Variants in CDH18 observed in about 807,000 individuals in gnomAD.
CDH18 encodes cadherin-18.
In CDH18, 31 loss-of-function variants were observed where a neutral mutation model predicts 67.9. The ratio of observed to expected loss-of-function variants is 0.46; its 90% CI spans 0.34 to 0.62. The LOEUF (loss-of-function observed/expected upper bound fraction) is 0.62, where lower values mean the gene tolerates loss of function less well. Ranked by LOEUF, CDH18 falls within the 20% of genes least tolerant of loss-of-function variation. CDH18 has a pLI of 0.01. For missense variants in CDH18, 890 were observed against 975.5 expected, an observed-to-expected ratio of 0.91 and a Z score of 1.17; for synonymous variants, 362 against 347.2, an observed-to-expected ratio of 1.04 and a Z score of -0.48.
intron 6 of CDH18, 150 bp downstream of exon 6, chr5:19,612,284 A>AT (rs1356586435): frequency 1.5e-6 from 1 of 673,914 alleles, no homozygotes; most frequent in Non-Finnish European, 2.5e-6. Flanking sequence ...GAGTGATTTC[A>AT]TGAGTCTTAC....
intron 1 of CDH18, among the ~76,000 whole-genome samples, chr5:20,425,641 C>T (rs1748245233): frequency 1.3e-5 from 2 of 150,524 alleles, no homozygotes; most frequent in Non-Finnish European, 2.9e-5. Context: ...AAAATAGTTG[C>T]TTTTGGTGTG....
At chr5:19,740,097 T>G (rs910410286) in intron 4 of CDH18, among the ~76,000 whole-genome samples, 1 of 152,200 alleles carries the variant, frequency 6.6e-6, no homozygotes, top group African/African-American at 2.4e-5. Flanking sequence ...TTTGTTATAT[T>G]GAACCTACAG....
At chr5:20,555,545 A>T (rs1265485868) in intron 1 of CDH18, among the ~76,000 whole-genome samples, 5 of 149,706 alleles carry the variant, frequency 3.3e-5, no homozygotes, top group African/African-American at 1.2e-4. Context: ...CCCTGGTTCA[A>T]GTGATTCTCC....
At chr5:20,422,042 A>G (rs373540486) in intron 1 of CDH18, among the ~76,000 whole-genome samples, 2 of 151,204 alleles carry the variant, frequency 1.3e-5, no homozygotes, top group East Asian at 3.9e-4. Context: ...GTAATGACAC[A>G]TCAGACTAAT....
In CDH18 at chr5:19,922,723, T is replaced by G. The variant is rs747031352; in HGVS notation, c.-257+58337A>C. 7.3e-4 allele frequency among the ~76,000 whole-genome samples: 111 copies of G among 152,166 alleles called. 1 individual carries two copies. Among genetic ancestry groups the G allele is most frequent in the Non-Finnish European group, 1.6e-4 (11 of 68,032 alleles). ...TCGTTTAAACTCTCTGTGTTTAATT[T>G]TACTAACCTTTGAGACATTTATTTT... On this transcript the variant is annotated intron_variant, in intron 2 of 12. Coordinates refer to ENST00000382275, the MANE Select transcript of CDH18 (RefSeq NM_004934.5).
chr5:20,081,148 T>C (rs1744434555), intron 2 of CDH18, among the ~76,000 whole-genome samples: 1 of 6,248 alleles, frequency 1.6e-4, no homozygotes, highest in African/African-American at 5.4e-4. Context: ...TAATGATTTG[T>C]ATCTTTTCCT....
At chr5:19,803,182 T>G (rs1020210215) in intron 3 of CDH18, among the ~76,000 whole-genome samples, 13 of 152,352 alleles carry the variant, frequency 8.5e-5, no homozygotes, top group African/African-American at 3.1e-4. Context: ...GCATGCTATC[T>G]GAAACCAAGA....
chr5:19,731,692 T>G (rs770938173), intron 4 of CDH18, among the ~76,000 whole-genome samples: 2 of 152,170 alleles, frequency 1.3e-5, no homozygotes, highest in African/African-American at 2.4e-5. Context: ...CGTCGAAGTA[T>G]TCTATCAATT....
At chr5:19,599,938 A>G (rs926452555) in intron 6 of CDH18, among the ~76,000 whole-genome samples, 4 of 152,000 alleles carry the variant, frequency 2.6e-5, no homozygotes, top group Non-Finnish European at 5.9e-5. Context: ...CCTCAATAGA[A>G]AGAAATCCAA....
At chr5:20,196,888 G>T (rs80147585) in intron 2 of CDH18, among the ~76,000 whole-genome samples, 1 of 152,150 alleles carries the variant, frequency 6.6e-6, no homozygotes, top group South Asian at 2.1e-4. Context: ...TGAATCTAAA[G>T]AAATGTTTTG....
chr5:20,380,382 G>A (rs1236924312), intron 1 of CDH18, among the ~76,000 whole-genome samples: 3 of 152,020 alleles, frequency 2.0e-5, no homozygotes, highest in African/African-American at 7.2e-5. Flanking sequence ...AATAACATTT[G>A]CTTTCTAAAA....
At chr5:20,304,831 T>C in intron 1 of CDH18, 1 of 1,611,546 alleles carries the variant, frequency 6.2e-7, no homozygotes. Context: ...ACTTTCAGAA[T>C]TCCTGCCACT....
intron 2 of CDH18, among the ~76,000 whole-genome samples, chr5:19,953,323 G>T (rs904589114): frequency 3.3e-5 from 5 of 152,036 alleles, no homozygotes; most frequent in African/African-American, 1.2e-4. Flanking sequence ...AATGAGTTTA[G>T]TACTTACATA....
chr5:20,443,935 A>G (rs1749817396), intron 1 of CDH18, among the ~76,000 whole-genome samples: 1 of 151,956 alleles, frequency 6.6e-6, no homozygotes, highest in Non-Finnish European at 1.5e-5. Flanking sequence ...CTTTTTTACA[A>G]GGTAAAAATA....
At chr5:20,442,535 G>C (rs898378506) in intron 1 of CDH18, among the ~76,000 whole-genome samples, 3 of 151,898 alleles carry the variant, frequency 2.0e-5, no homozygotes, top group Non-Finnish European at 2.9e-5. Context: ...TTGGCCCTGA[G>C]AGGCTCAATT....
chr5:20,462,555 CCT>C (rs1751347031), intron 1 of CDH18, among the ~76,000 whole-genome samples: 1 of 152,026 alleles, frequency 6.6e-6, no homozygotes, highest in Admixed American at 6.5e-5. Context: ...CCCCAAATAC[CCT>C]GACTTGATAA....
intron 2 of CDH18, among the ~76,000 whole-genome samples, chr5:20,108,790 T>A (rs1043219829): frequency 1.2e-4 from 18 of 152,156 alleles, no homozygotes; most frequent in Admixed American, 2.6e-4. Context: ...AACGTGACAG[T>A]AAGGTGTGTT....
intron 2 of CDH18, among the ~76,000 whole-genome samples, chr5:19,973,906 GAAC>G (rs1423828546): frequency 6.6e-6 from 1 of 151,954 alleles, no homozygotes; most frequent in Non-Finnish European, 1.5e-5. Flanking sequence ...TGAAAGAGAG[GAAC>G]AACATCTACT....
intron 1 of CDH18, among the ~76,000 whole-genome samples, chr5:20,414,850 G>A (rs1393308603): frequency 6.6e-6 from 1 of 152,232 alleles, no homozygotes; most frequent in Admixed American, 6.5e-5. Flanking sequence ...ATGTTGCTGA[G>A]GGTCTAGAGA....
Sources: gnomAD v4.1 joint callset for allele counts (sites outside exome capture counted in the v4.1 genomes callset) on GRCh38, gnomAD v4.1.1 for gene constraint, MANE v1.5 for transcripts, NCBI Gene and HGNC (gene_info 2026-07-23, HGNC 2026-07-21) for gene names.